Variants in USP25 observed in about 807,000 individuals in gnomAD.
The protein encoded by USP25 is ubiquitin specific peptidase 25.
A neutral mutation model predicts 158.5 loss-of-function variants in USP25; 85 were observed. That is an observed-to-expected ratio of 0.54 (90% CI 0.45 to 0.64). The LOEUF (loss-of-function observed/expected upper bound fraction) is 0.64, where lower values mean the gene tolerates loss of function less well. USP25 is among the 30% of genes least tolerant of loss of function. The pLI is 0.00. For synonymous variants in USP25, 464 were observed against 460.4 expected (o/e 1.01, Z -0.10); for missense variants, 1,242 against 1,327.3 (o/e 0.94, Z 1.00).
intron 4 of USP25, among the ~76,000 whole-genome samples, chr21:15,782,408 A>ACCAGAGTCATGCACAGCCT (rs1250042350): frequency 2.6e-5 from 4 of 152,058 alleles, no homozygotes; most frequent in Non-Finnish European, 5.9e-5. Flanking sequence ...ACCCTACATC[A>ACCAGAGTCATGCACAGCCT]CCAGAGTCAT....
chr21:15,864,097 G>C (rs1355849304), intron 20 of USP25, among the ~76,000 whole-genome samples, 171 bp from the exon 21 acceptor site: 2 of 139,062 alleles, frequency 1.4e-5, no homozygotes, highest in African/African-American at 5.4e-5. Context: ...AATTCCTTGA[G>C]TCTATGGAAC....
At chr21:15,763,038 G>T in intron 2 of USP25, 70 bp downstream of exon 2, 2 of 1,385,960 alleles carry the variant, frequency 1.4e-6, no homozygotes, top group African/African-American at 1.5e-5. Flanking sequence ...ATATTTGATA[G>T]TTGATTTTTT....
intron 1 of USP25, among the ~76,000 whole-genome samples, chr21:15,740,641 G>GTTTTTT (rs60616271): frequency 1.6e-3 from 64 of 41,274 alleles, no homozygotes; most frequent in Non-Finnish European, 3.0e-3. Flanking sequence ...CTTTCTGGCT[G>GTTTTTT]TTTTTTTTTT....
intron 3 of USP25, among the ~76,000 whole-genome samples, chr21:15,770,736 G>A (rs951429765): frequency 6.6e-6 from 1 of 152,032 alleles, no homozygotes; most frequent in South Asian, 2.1e-4. Flanking sequence ...TTTAATTCTG[G>A]TGGCTACCAG....
intron 1 of USP25, among the ~76,000 whole-genome samples, chr21:15,747,042 A>G (rs2032615451): frequency 1.3e-5 from 2 of 152,064 alleles, no homozygotes; most frequent in South Asian, 2.1e-4. Context: ...CAGTTAAACT[A>G]TTTGTTTATA....
At chr21:15,740,622 T>C (rs936297493) in intron 1 of USP25, among the ~76,000 whole-genome samples, 5 of 149,444 alleles carry the variant, frequency 3.3e-5, no homozygotes, top group Non-Finnish European at 5.9e-5. Flanking sequence ...AGTTGTAATC[T>C]TCCTGTTTCT....
At chr21:15,823,707 CAGAG>C (rs1424132833) in intron 10 of USP25, among the ~76,000 whole-genome samples, 1 of 152,088 alleles carries the variant, frequency 6.6e-6, no homozygotes, top group Non-Finnish European at 1.5e-5. Flanking sequence ...TTGAAGAAGA[CAGAG>C]AAGACTTGAG....
intron 1 of USP25, among the ~76,000 whole-genome samples, chr21:15,749,023 T>A (rs4580465): frequency 0.19 from 29,436 of 151,908 alleles, 4,487 homozygotes; most frequent in African/African-American, 0.43. Context: ...TTTTTTTTTT[T>A]AATTTTTTTT....
chr21:15,846,106 A>ATGTG (rs1238472535), intron 18 of USP25, among the ~76,000 whole-genome samples: 18 of 115,622 alleles, frequency 1.6e-4, no homozygotes, highest in East Asian at 2.7e-4. Flanking sequence ...ATTTTGATAT[A>ATGTG]TGTGTGTGTG....
intron 8 of USP25, among the ~76,000 whole-genome samples, chr21:15,809,456 A>G (rs1048020816): frequency 6.6e-6 from 1 of 152,116 alleles, no homozygotes; most frequent in African/African-American, 2.4e-5. Flanking sequence ...GCTACGAAAA[A>G]AAACGAAACA....
At chr21:15,747,167 G>A (rs1051152427) in intron 1 of USP25, among the ~76,000 whole-genome samples, 1 of 151,924 alleles carries the variant, frequency 6.6e-6, no homozygotes, top group Non-Finnish European at 1.5e-5. Context: ...ATTTGAGGTA[G>A]TTCTTTATGG....
At chr21:15,731,987 G>A (rs1476430930) in intron 1 of USP25, among the ~76,000 whole-genome samples, 1 of 152,204 alleles carries the variant, frequency 6.6e-6, no homozygotes, top group Non-Finnish European at 1.5e-5. Context: ...ACAATGGGAA[G>A]AACTTTGTAA....
chr21:15,841,441 C>T (rs9305754), intron 17 of USP25, among the ~76,000 whole-genome samples: 1 of 151,994 alleles, frequency 6.6e-6, no homozygotes, highest in Non-Finnish European at 1.5e-5. Context: ...ATATTATATA[C>T]CTGCATCATC....
intron 16 of USP25, among the ~76,000 whole-genome samples, chr21:15,832,381 TAA>T (rs1453220476): frequency 6.6e-6 from 1 of 152,226 alleles, no homozygotes; most frequent in Non-Finnish European, 1.5e-5. Context: ...TTGAAACTGA[TAA>T]AAATAATCTT....
intron 1 of USP25, among the ~76,000 whole-genome samples, chr21:15,739,571 C>T (rs942814523): frequency 6.6e-6 from 1 of 152,020 alleles, no homozygotes; most frequent in Non-Finnish European, 1.5e-5. Context: ...TAATTTCCTT[C>T]TCCAGGGGCC....
intron 1 of USP25, among the ~76,000 whole-genome samples, chr21:15,743,090 C>G (rs1177507599): frequency 6.6e-6 from 1 of 152,230 alleles, no homozygotes; most frequent in Non-Finnish European, 1.5e-5. Context: ...GCTCACAGCT[C>G]CCTGAATGGG....
intron 4 of USP25, among the ~76,000 whole-genome samples, chr21:15,779,849 G>A (rs964137212): frequency 4.6e-5 from 7 of 152,088 alleles, no homozygotes; most frequent in African/African-American, 1.4e-4. Flanking sequence ...ATGCTCCCTA[G>A]AAGTAAAAGA....
chr21:15,864,053 T>TA (rs1335246234), intron 20 of USP25, among the ~76,000 whole-genome samples: 2 of 134,800 alleles, frequency 1.5e-5, no homozygotes, highest in African/African-American at 6.0e-5. Context: ...TTTTTTTTTT[T>TA]AAAAGAAGGG....
chr21:15,746,507 G>A (rs2032573018), intron 1 of USP25, among the ~76,000 whole-genome samples: 1 of 152,004 alleles, frequency 6.6e-6, no homozygotes, highest in African/African-American at 2.4e-5. Context: ...CGATTCTCCT[G>A]CCTCAGCCTC....
Sources: gnomAD v4.1 joint callset for allele counts (sites outside exome capture counted in the v4.1 genomes callset) on GRCh38, gnomAD v4.1.1 for gene constraint, MANE v1.5 for transcripts, NCBI Gene and HGNC (gene_info 2026-07-23, HGNC 2026-07-21) for gene names.